HIP1: variants seen among roughly 807,000 people sequenced by gnomAD.
The protein encoded by HIP1 is huntingtin interacting protein 1.
HIP1 carries 65 observed loss-of-function variants against 147.6 expected under a neutral mutation model. The ratio of observed to expected loss-of-function variants is 0.44; its 90% CI spans 0.36 to 0.54. The LOEUF is 0.54. Among genes scored for constraint, HIP1 ranks in the 20% least tolerant of loss-of-function variants. The probability of loss-of-function intolerance (pLI) is 0.00; values close to 1 mark genes in which losing one functional copy is unlikely to be tolerated. For missense variants in HIP1, 1,061 were observed against 1,299.6 expected (o/e 0.82, Z 2.82); for synonymous variants, 479 against 504.0 (o/e 0.95, Z 0.67).
In HIP1 at chr7:75,533,692, G is replaced by A. The variant is rs587641356; in HGVS notation, c.*4480C>T. Reference sequence around the variant, plus strand: ...GAGGGTCACCTGAAAGACATGTCTGGAAAAATCTACTCTCAGAATCGAACC... The same window carrying A: ...GAGGGTCACCTGAAAGACATGTCTGAAAAAATCTACTCTCAGAATCGAACC... On this transcript the variant is annotated 3_prime_UTR_variant, in exon 31 of 31. Coordinates refer to ENST00000336926, the MANE Select transcript of HIP1 (RefSeq NM_005338.7). The A allele has an allele frequency of 3.4e-5, 8 of 232,718 alleles. No homozygotes were observed. The South Asian group carries it at 1.3e-3, about 37-fold the overall frequency. The allele number at this position is 232,718 out of a possible 1,614,324, so 14.4% of individuals were successfully genotyped here. A position where few individuals can be genotyped will look rare whatever the true frequency, so the allele number is the denominator to read the frequency against.
intron 1 of HIP1, among the ~76,000 whole-genome samples, chr7:75,615,923 T>C (rs1165204740): frequency 2.6e-5 from 4 of 151,042 alleles, no homozygotes; most frequent in African/African-American, 9.7e-5. Flanking sequence ...TCGTCTCTAC[T>C]AAAAATACAA....
At chr7:75,713,859 C>T (rs1801233800) in intron 1 of HIP1, among the ~76,000 whole-genome samples, 1 of 151,552 alleles carries the variant, frequency 6.6e-6, no homozygotes, top group Non-Finnish European at 1.5e-5. Flanking sequence ...CACCACAATG[C>T]CCAGCATTTT....
intron 1 of HIP1, among the ~76,000 whole-genome samples, chr7:75,727,467 A>G (rs868933502): frequency 7.9e-5 from 12 of 151,094 alleles, no homozygotes; most frequent in Non-Finnish European, 1.8e-4. Context: ...TATTCTGGAT[A>G]TAGGCCCTTT....
At position 75,562,058 on chromosome 7, in the gene HIP1, C is replaced by G; in HGVS notation, c.1118+15G>C. ...TAGCTCCTGAACCATCTGCTTGAAC[C>G]CAGCTTGGACTCACTTCTCATCCTT... On this transcript the variant is annotated intron_variant, in intron 12 of 30. Coordinates refer to ENST00000336926, the MANE Select transcript of HIP1 (RefSeq NM_005338.7). 6.5e-7 allele frequency: 1 copy of G among 1,532,190 alleles called. No individual in the cohort carries two copies. Among genetic ancestry groups the G allele is most frequent in the Non-Finnish European group, 9.0e-7 (1 of 1,105,588 alleles). The allele number at this position is 1,532,190 out of a possible 1,614,324, so 94.9% of individuals were successfully genotyped here.
chr7:75,700,664 A>G (rs1800796479), intron 1 of HIP1, among the ~76,000 whole-genome samples: 2 of 151,994 alleles, frequency 1.3e-5, no homozygotes, highest in African/African-American at 4.8e-5. Flanking sequence ...AACCAACGAG[A>G]AGGGGACAGA....
rs148081279 is a variant in HIP1 at position 75,544,033 on chromosome 7, G to A, written c.2766+662C>T. On this transcript the variant is annotated intron_variant, in intron 27 of 30. Coordinates refer to ENST00000336926, the MANE Select transcript of HIP1 (RefSeq NM_005338.7). Reference sequence around the variant, plus strand: ...TAAAAATACAAAAAATTAGCTGGGCGTGGTGGCACGTGTCTGTAGTCCCAG... The same window carrying A: ...TAAAAATACAAAAAATTAGCTGGGCATGGTGGCACGTGTCTGTAGTCCCAG... Among the ~76,000 whole-genome samples, 1,131 of 152,230 alleles carry A rather than the reference G, an allele frequency of 7.4e-3. 16 individuals carry two copies. Among genetic ancestry groups the A allele is most frequent in the African/African-American group, 0.025 (1,056 of 41,536 alleles).
At chr7:75,566,266 C>G (rs1487781243) in intron 9 of HIP1, among the ~76,000 whole-genome samples, 13 of 151,040 alleles carry the variant, frequency 8.6e-5, no homozygotes. Flanking sequence ...AAGTGATCTG[C>G]CCACCTCGGC....
At chr7:75,733,210 T>G (rs1382569276) in intron 1 of HIP1, among the ~76,000 whole-genome samples, 4 of 152,056 alleles carry the variant, frequency 2.6e-5, no homozygotes, top group Admixed American at 2.6e-4. Context: ...GAGTCCTGGT[T>G]TTGAATCCTG....
At chr7:75,640,422 G>A (rs1055038328) in intron 1 of HIP1, among the ~76,000 whole-genome samples, 3 of 152,296 alleles carry the variant, frequency 2.0e-5, no homozygotes, top group African/African-American at 7.2e-5. Context: ...TGAAGTTAGG[G>A]CTTTTAAAAT....
intron 8 of HIP1, among the ~76,000 whole-genome samples, chr7:75,571,027 A>T (rs1795610451): frequency 6.6e-6 from 1 of 151,538 alleles, no homozygotes; most frequent in Non-Finnish European, 1.5e-5. Flanking sequence ...TAAATAAATA[A>T]ATAAAGTAAA....
At chr7:75,709,692 C>T (rs1801109352) in intron 1 of HIP1, among the ~76,000 whole-genome samples, 1 of 152,078 alleles carries the variant, frequency 6.6e-6, no homozygotes, top group African/African-American at 2.4e-5. Context: ...TGCCTAATTG[C>T]TCCGTTTAGG....
At chr7:75,572,006 T>G (rs1554496713) in intron 8 of HIP1, among the ~76,000 whole-genome samples, 1 of 152,108 alleles carries the variant, frequency 6.6e-6, no homozygotes, top group Non-Finnish European at 1.5e-5. Flanking sequence ...GGCCAGGAGT[T>G]CGAGACCAGC....
At chr7:75,658,223 G>A (rs1213244183) in intron 1 of HIP1, among the ~76,000 whole-genome samples, 1 of 152,118 alleles carries the variant, frequency 6.6e-6, no homozygotes, top group Non-Finnish European at 1.5e-5. Flanking sequence ...CAGTAGCTGG[G>A]ATTACACGCA....
intron 1 of HIP1, among the ~76,000 whole-genome samples, chr7:75,603,551 T>G (rs1326893862): frequency 6.6e-6 from 1 of 152,010 alleles, no homozygotes; most frequent in African/African-American, 2.4e-5. Context: ...GCACATGATT[T>G]GGGGCTCTCC....
In HIP1 at chr7:75,540,432, C is replaced by CA. The variant is rs57415264; in HGVS notation, c.2953-1002dup. On this transcript the variant is annotated intron_variant, in intron 29 of 30. Coordinates refer to ENST00000336926, the MANE Select transcript of HIP1 (RefSeq NM_005338.7). ...TAGGCAACAGAGCAAGACTCGGTCTCAAAAAAAAAAAAAAAAAAGAAGGAA... is the reference window on the plus strand; with the variant it reads ...TAGGCAACAGAGCAAGACTCGGTCTCAAAAAAAAAAAAAAAAAAAGAAGGAA... Among the ~76,000 whole-genome samples, 133 of 127,316 alleles carry CA rather than the reference C, an allele frequency of 1.0e-3. 1 individual carries two copies. Among genetic ancestry groups the CA allele is most frequent in the East Asian group, 3.5e-3 (13 of 3,668 alleles). 83.5% of individuals were successfully genotyped at this position (127,316 alleles called of 152,430 possible).
intron 1 of HIP1, among the ~76,000 whole-genome samples, chr7:75,724,459 G>A (rs1176138718): frequency 3.3e-5 from 5 of 151,800 alleles, no homozygotes; most frequent in Non-Finnish European, 7.4e-5. Flanking sequence ...TGTTGGCCAG[G>A]CTGGTCTCCA....
intron 1 of HIP1, among the ~76,000 whole-genome samples, chr7:75,705,361 C>CTTTTTTTTTTTTTTTTT (rs869130124): frequency 6.9e-6 from 1 of 145,630 alleles, no homozygotes; most frequent in African/African-American, 2.5e-5. Flanking sequence ...GGATCTCTAC[C>CTTTTTTTTTTTTTTTTT]TTTTTTTTTT....
intron 19 of HIP1, among the ~76,000 whole-genome samples, chr7:75,554,977 G>A (rs1794933817): frequency 6.6e-6 from 1 of 152,106 alleles, no homozygotes. Context: ...AGGCCAAGGT[G>A]GGTGGATAGC....
In HIP1 at chr7:75,695,726, C is replaced by A. The variant is rs191407852; in HGVS notation, c.120+43075G>T. The stretch of plus-strand genomic sequence containing the variant: ...AGTAGCTCAGATTACAGGCATGCAC[C>A]ACCACACCCAGCTAATTTTTGTATT... On this transcript the variant is annotated intron_variant, in intron 1 of 30. Coordinates refer to ENST00000336926, the MANE Select transcript of HIP1 (RefSeq NM_005338.7). Among the ~76,000 whole-genome samples the A allele has an allele frequency of 2.0e-3, 299 of 152,158 alleles. 1 individual carries two copies. Among genetic ancestry groups the A allele is most frequent in the African/African-American group, 6.9e-3 (288 of 41,526 alleles).
Sources: gnomAD v4.1 joint callset for allele counts (sites outside exome capture counted in the v4.1 genomes callset) on GRCh38, gnomAD v4.1.1 for gene constraint, MANE v1.5 for transcripts, NCBI Gene and HGNC (gene_info 2026-07-23, HGNC 2026-07-21) for gene names.